Variants in KIF6 observed in about 807,000 individuals in gnomAD.
The protein encoded by KIF6 is kinesin-like protein KIF6.
KIF6 carries 106 observed loss-of-function variants against 112.7 expected under a neutral mutation model. The observed-to-expected ratio is 0.94, with a 90% CI of 0.80 to 1.11. The LOEUF is 1.11. KIF6 is among the 50% of genes least tolerant of loss of function. KIF6 has a pLI of 0.00. For missense variants in KIF6, 929 were observed against 964.0 expected (o/e 0.96, Z 0.48); for synonymous variants, 339 against 339.9 (o/e 1.00, Z 0.03).
At position 39,398,665 on chromosome 6, in the gene KIF6, A is replaced by AGTTAGATG. The variant is rs1768454138; in HGVS notation, c.1811-13001_1811-12994dup. Reference sequence around the variant, plus strand: ...ATGCAGGTAGGTGCTTCTAAGTAAGAGTTAGATGTTCTATTTAGTATTCTG... The same window carrying AGTTAGATG: ...ATGCAGGTAGGTGCTTCTAAGTAAGAGTTAGATGGTTAGATGTTCTATTTAGTATTCTG... On this transcript the variant is annotated intron_variant, in intron 15 of 22. Coordinates refer to ENST00000287152, the MANE Select transcript of KIF6 (RefSeq NM_145027.6). Among the ~76,000 whole-genome samples, 12 of 152,352 alleles carry AGTTAGATG rather than the reference A, an allele frequency of 7.9e-5. No individual in the cohort carries two copies. In the South Asian group the frequency reaches 2.5e-3, roughly 32 times the overall value.
chr6:39,449,823 C>G (rs1029027519), intron 13 of KIF6, among the ~76,000 whole-genome samples: 2 of 152,140 alleles, frequency 1.3e-5, no homozygotes, highest in African/African-American at 4.8e-5. Context: ...AAGGTGCCAA[C>G]CCTGGAACTG....
At chr6:39,379,517 A>G (rs1161565216) in intron 16 of KIF6, among the ~76,000 whole-genome samples, 2 of 152,216 alleles carry the variant, frequency 1.3e-5, no homozygotes, top group Non-Finnish European at 2.9e-5. Flanking sequence ...AATAATTACA[A>G]AATAGGGTTG....
rs564968583 is a variant in KIF6, at chr6:39,585,469, C to T, written c.991-485G>A. Among the ~76,000 whole-genome samples, 79 of 152,250 alleles carry T rather than the reference C, an allele frequency of 5.2e-4. 3 individuals carry two copies. The South Asian group carries it at 0.014, about 27-fold the overall frequency. On this transcript the variant is annotated intron_variant, in intron 8 of 22. Transcript: ENST00000287152. Reference sequence around the variant, plus strand: ...TGGTACTGGTCCATGGCTCGGGGGTCAGGGACCCCTGCTCTAGAACATTAT... The same window carrying T: ...TGGTACTGGTCCATGGCTCGGGGGTTAGGGACCCCTGCTCTAGAACATTAT...
chr6:39,394,575 CA>C (rs1458253299), intron 15 of KIF6, among the ~76,000 whole-genome samples: 1 of 152,154 alleles, frequency 6.6e-6, no homozygotes, highest in Non-Finnish European at 1.5e-5. Flanking sequence ...GCTTGGGGGC[CA>C]GGGGTGGGGG....
chr6:39,591,928 T>A (rs530123210), intron 7 of KIF6, among the ~76,000 whole-genome samples: 1 of 152,120 alleles, frequency 6.6e-6, no homozygotes, highest in South Asian at 2.1e-4. Context: ...CTGGCTAACA[T>A]GGTGAAACCC....
intron 13 of KIF6, among the ~76,000 whole-genome samples, chr6:39,535,084 A>G (rs1582074215): frequency 1.3e-5 from 2 of 152,322 alleles, no homozygotes; most frequent in African/African-American, 4.8e-5. Flanking sequence ...GAAAGGAACA[A>G]CTGGTACCAG....
At chr6:39,723,755 G>A (rs972835099) in intron 1 of KIF6, among the ~76,000 whole-genome samples, 1 of 152,128 alleles carries the variant, frequency 6.6e-6, no homozygotes, top group African/African-American at 2.4e-5. Context: ...GGGGTGGGAG[G>A]CTACGGGAGG....
intron 16 of KIF6, among the ~76,000 whole-genome samples, chr6:39,373,816 T>C (rs9462539): frequency 0.23 from 34,868 of 152,086 alleles, 5,996 homozygotes; most frequent in African/African-American, 0.48. Flanking sequence ...AAGCAATATA[T>C]AGATTCAATG....
intron 15 of KIF6, among the ~76,000 whole-genome samples, chr6:39,390,205 A>G (rs1005652499): frequency 1.3e-5 from 2 of 152,190 alleles, no homozygotes; most frequent in Non-Finnish European, 2.9e-5. Flanking sequence ...CTGCTTTGCT[A>G]TATCTCAAGA....
In KIF6 at chr6:39,416,565, C is replaced by T. The variant is rs139181397; in HGVS notation, c.1810+3383G>A. 4.2e-3 allele frequency among the ~76,000 whole-genome samples: 637 copies of T among 152,234 alleles called. 9 individuals carry two copies. Among genetic ancestry groups the T allele is most frequent in the African/African-American group, 0.015 (610 of 41,552 alleles). On this transcript the variant is annotated intron_variant, in intron 15 of 22. Coordinates refer to ENST00000287152, the MANE Select transcript of KIF6 (RefSeq NM_145027.6). ...TCAACATCAGGATTGATGTAAATGG[C>T]GTCTAGAGAAAGACAAAAAGGAGTT... is the stretch of plus-strand genomic sequence containing the variant.
At chr6:39,653,029 G>A (rs764791746) in intron 3 of KIF6, among the ~76,000 whole-genome samples, 2 of 152,148 alleles carry the variant, frequency 1.3e-5, no homozygotes, top group African/African-American at 2.4e-5. Context: ...TTTAAAATGC[G>A]AGGGCTAATC....
intron 3 of KIF6, among the ~76,000 whole-genome samples, chr6:39,709,404 A>T (rs1789404683): frequency 6.6e-6 from 1 of 152,184 alleles, no homozygotes; most frequent in Non-Finnish European, 1.5e-5. Flanking sequence ...CACAGTTCAC[A>T]ATAGGGTTTG....
intron 3 of KIF6, among the ~76,000 whole-genome samples, chr6:39,713,245 TGGA>T (rs1376361664): frequency 6.6e-6 from 1 of 152,158 alleles, no homozygotes; most frequent in Admixed American, 6.5e-5. Flanking sequence ...ACAAAGTATT[TGGA>T]GGAGGATGGA....
At chr6:39,372,235 CT>C (rs33920960) in intron 16 of KIF6, among the ~76,000 whole-genome samples, 19,511 of 152,186 alleles carry the variant, frequency 0.13, 1,717 homozygotes, top group African/African-American at 0.25. Flanking sequence ...AGAGGAAGAA[CT>C]TTCCCTCCTA....
chr6:39,388,848 C>T (rs961097562), intron 15 of KIF6, among the ~76,000 whole-genome samples: 2 of 152,148 alleles, frequency 1.3e-5, no homozygotes, highest in Non-Finnish European at 2.9e-5. Context: ...CGGAGACAGT[C>T]TGGGAGGGAA....
chr6:39,712,567 CTA>C (rs1789615890), intron 3 of KIF6, among the ~76,000 whole-genome samples: 1 of 152,052 alleles, frequency 6.6e-6, no homozygotes, highest in South Asian at 2.1e-4. Flanking sequence ...TAGAATTAAA[CTA>C]TATAATATGT....
intron 3 of KIF6, among the ~76,000 whole-genome samples, chr6:39,713,120 G>A (rs1789651808): frequency 6.6e-6 from 1 of 152,146 alleles, no homozygotes; most frequent in Non-Finnish European, 1.5e-5. Context: ...GCAGATTTCT[G>A]AGGGAAGAGA....
chr6:39,596,055 T>C lies in KIF6; in HGVS notation c.845A>G (p.Gln282Arg). 6.2e-7 allele frequency: 1 copy of C among 1,612,582 alleles called. No homozygotes were observed. The highest frequency in any genetic ancestry group is 1.1e-5 in the South Asian group (1 of 91,026). Reference protein sequence around the residue: ...YINLSLHYLEQVIIALSEKHR... With the variant: ...YINLSLHYLERVIIALSEKHR... ...TACATCCCACTCTGCCCATTTTACCTGTTCTAAGTAATGTAGTGACAAGTT... is the reference window on the plus strand; with the variant it reads ...TACATCCCACTCTGCCCATTTTACCCGTTCTAAGTAATGTAGTGACAAGTT... Residue 282 changes from glutamine to arginine, a missense_variant and splice_region_variant, in exon 7 of 23, where the codon CAG becomes CGG. Transcript: ENST00000287152.
chr6:39,490,010 T>C (rs1775376583), intron 13 of KIF6, among the ~76,000 whole-genome samples: 1 of 152,236 alleles, frequency 6.6e-6, no homozygotes, highest in African/African-American at 2.4e-5. Context: ...GGAAGTTAAA[T>C]GTGCATGCTC....
Sources: allele counts gnomAD v4.1 joint callset (sites outside exome capture counted in the v4.1 genomes callset), GRCh38; gene constraint gnomAD v4.1.1; transcripts MANE v1.5; gene names NCBI Gene and HGNC (gene_info 2026-07-23, HGNC 2026-07-21).